ADGRB3: variants seen among roughly 807,000 people sequenced by gnomAD.
The protein encoded by ADGRB3 is brain-specific angiogenesis inhibitor 3.
A neutral mutation model predicts 193.4 loss-of-function variants in ADGRB3; 37 were observed. The ratio of observed to expected loss-of-function variants is 0.19; its 90% CI spans 0.15 to 0.25. The LOEUF (loss-of-function observed/expected upper bound fraction) is 0.25, where lower values mean the gene tolerates loss of function less well. ADGRB3 is among the 10% of genes least tolerant of loss of function. The pLI is 1.00. For missense variants in ADGRB3, 1,637 were observed against 1,852.9 expected (o/e 0.88, Z 2.14); for synonymous variants, 690 against 644.2 (o/e 1.07, Z -1.08).
chr6:69,160,536 C>T (rs1413444525), intron 17 of ADGRB3, among the ~76,000 whole-genome samples: 1 of 152,112 alleles, frequency 6.6e-6, no homozygotes, highest in Non-Finnish European at 1.5e-5. Context: ...CTAACCATTG[C>T]ATTTAATATA....
chr6:69,204,457 A>G (rs141538730), intron 17 of ADGRB3, among the ~76,000 whole-genome samples: 44 of 152,292 alleles, frequency 2.9e-4, no homozygotes, highest in African/African-American at 1.0e-3. Flanking sequence ...TATTCTAAGG[A>G]TAGTGATTAA....
At chr6:68,945,058 C>T (rs1463942829) in intron 6 of ADGRB3, among the ~76,000 whole-genome samples, 5 of 152,076 alleles carry the variant, frequency 3.3e-5, no homozygotes, top group Non-Finnish European at 7.4e-5. Flanking sequence ...TGAAGCAATG[C>T]TTCAAAGTCC....
chr6:69,270,429 T>A (rs1329226704), intron 20 of ADGRB3, among the ~76,000 whole-genome samples: 1 of 152,130 alleles, frequency 6.6e-6, no homozygotes, highest in African/African-American at 2.4e-5. Context: ...GTAAGCATGA[T>A]TAAAATGAAA....
intron 13 of ADGRB3, among the ~76,000 whole-genome samples, chr6:69,023,689 G>A (rs991737818): frequency 1.3e-5 from 2 of 152,138 alleles, no homozygotes; most frequent in Non-Finnish European, 1.5e-5. Flanking sequence ...ACATATGTAA[G>A]ATGAGAAAAT....
chr6:68,733,468 A>G (rs1765812511), intron 3 of ADGRB3, among the ~76,000 whole-genome samples: 1 of 151,802 alleles, frequency 6.6e-6, no homozygotes, highest in African/African-American at 2.4e-5. Flanking sequence ...GAAATAATAG[A>G]CAGTGGGGAC....
chr6:69,323,264 AATGACTT>A (rs1768500586), intron 20 of ADGRB3, among the ~76,000 whole-genome samples: 1 of 152,012 alleles, frequency 6.6e-6, no homozygotes. Context: ...AAGGGTAACT[AATGACTT>A]AGAAAGGTTA....
At chr6:69,079,787 G>A (rs1451123836) in intron 17 of ADGRB3, among the ~76,000 whole-genome samples, 1 of 151,904 alleles carries the variant, frequency 6.6e-6, no homozygotes, top group Admixed American at 6.6e-5. Flanking sequence ...ATTAGCCTGT[G>A]GTCTTTCTCT....
chr6:69,175,994 C>A (rs556318296), intron 17 of ADGRB3, among the ~76,000 whole-genome samples: 1 of 152,288 alleles, frequency 6.6e-6, no homozygotes, highest in East Asian at 1.9e-4. Flanking sequence ...GATTTTGTAT[C>A]TAGAAACTTT....
chr6:68,730,366 TATACAGA>T (rs1247839668), intron 3 of ADGRB3, among the ~76,000 whole-genome samples: 2 of 149,966 alleles, frequency 1.3e-5, no homozygotes, highest in South Asian at 2.1e-4. Context: ...TTCTCAGTGC[TATACAGA>T]ATCTAAAAAC....
chr6:68,998,410 C>G (rs1384947195), intron 11 of ADGRB3, among the ~76,000 whole-genome samples: 1 of 152,094 alleles, frequency 6.6e-6, no homozygotes, highest in African/African-American at 2.4e-5. Context: ...ATAATTAGAA[C>G]TTATCAAAGT....
At chr6:68,706,475 T>C (rs1034954636) in intron 3 of ADGRB3, among the ~76,000 whole-genome samples, 6 of 152,312 alleles carry the variant, frequency 3.9e-5, no homozygotes, top group African/African-American at 1.4e-4. Context: ...ATGGCACATA[T>C]GTGCATCTGC....
chr6:68,639,478 G>T (rs200115528), intron 3 of ADGRB3, 46 bp downstream of exon 3: 13 of 1,516,946 alleles, frequency 8.6e-6, no homozygotes, highest in Admixed American at 2.2e-5. Flanking sequence ...GCACTTTTGG[G>T]GGATGGAGTT....
At chr6:68,755,452 A>G (rs1382373655) in intron 3 of ADGRB3, among the ~76,000 whole-genome samples, 2 of 152,162 alleles carry the variant, frequency 1.3e-5, no homozygotes, top group Non-Finnish European at 2.9e-5. Flanking sequence ...GTGCAGTGCT[A>G]TGAGCGTGCT....
At chr6:68,643,879 C>A (rs1222528761) in intron 3 of ADGRB3, among the ~76,000 whole-genome samples, 1 of 150,970 alleles carries the variant, frequency 6.6e-6, no homozygotes, top group African/African-American at 2.4e-5. Context: ...TTACAGTGAG[C>A]CGAGATCGCA....
chr6:69,040,695 A>C (rs1400407406), intron 13 of ADGRB3, among the ~76,000 whole-genome samples: 30 of 145,976 alleles, frequency 2.1e-4, no homozygotes, highest in Non-Finnish European at 3.7e-4. Context: ...AAAAAAAAAA[A>C]AAAAAAAAAA....
chr6:68,653,848 T>G (rs1020834023), intron 3 of ADGRB3, among the ~76,000 whole-genome samples: 3 of 151,902 alleles, frequency 2.0e-5, no homozygotes, highest in Non-Finnish European at 4.4e-5. Flanking sequence ...TTCCTTCCTT[T>G]TCTTCTCTTG....
At chr6:69,052,861 T>C (rs1202388522) in intron 15 of ADGRB3, among the ~76,000 whole-genome samples, 1 of 152,174 alleles carries the variant, frequency 6.6e-6, no homozygotes, top group Non-Finnish European at 1.5e-5. Flanking sequence ...GCCTCTCAAC[T>C]TCCTTCTTCA....
At chr6:69,165,179 G>C (rs1775099661) in intron 17 of ADGRB3, among the ~76,000 whole-genome samples, 1 of 151,980 alleles carries the variant, frequency 6.6e-6, no homozygotes, top group Non-Finnish European at 1.5e-5. Context: ...TGACAACACA[G>C]ATCCTTTTGA....
chr6:69,289,497 T>TA (rs760566401), intron 20 of ADGRB3, among the ~76,000 whole-genome samples: 6 of 152,172 alleles, frequency 3.9e-5, no homozygotes, highest in Admixed American at 6.5e-5. Flanking sequence ...TTTCAGGTGT[T>TA]ACGGTTTTGC....
Sources: gnomAD v4.1 joint callset for allele counts (sites outside exome capture counted in the v4.1 genomes callset) on GRCh38, gnomAD v4.1.1 for gene constraint, MANE v1.5 for transcripts, NCBI Gene and HGNC (gene_info 2026-07-23, HGNC 2026-07-21) for gene names.